NSD3: variants seen among roughly 807,000 people sequenced by gnomAD.
The protein encoded by NSD3 is nuclear receptor binding SET domain protein 3.
Under a neutral mutation model 160.8 loss-of-function variants are expected in NSD3, and 24 were observed. That is an observed-to-expected ratio of 0.15 (90% CI 0.11 to 0.21). NSD3 has a LOEUF of 0.21. NSD3 is among the 10% of genes least tolerant of loss of function. The pLI is 1.00. For synonymous variants in NSD3, 520 were observed against 600.0 expected, an observed-to-expected ratio of 0.87 and a Z score of 1.95; for missense variants, 1,157 against 1,735.9, an observed-to-expected ratio of 0.67 and a Z score of 5.93.
At chr8:38,378,650 A>C (rs1470796648) in intron 1 of NSD3, among the ~76,000 whole-genome samples, 1 of 151,888 alleles carries the variant, frequency 6.6e-6, no homozygotes, top group Non-Finnish European at 1.5e-5. Flanking sequence ...TCAAAACAAA[A>C]ACAAAAACAA....
chr8:38,303,916 C>CATTCA (rs1159097121), intron 14 of NSD3, among the ~76,000 whole-genome samples: 1 of 152,202 alleles, frequency 6.6e-6, no homozygotes, highest in Non-Finnish European at 1.5e-5. Context: ...TTCTGTATAA[C>CATTCA]ATTCAACTAA....
chr8:38,332,194 G>A (rs1283617823), intron 4 of NSD3, among the ~76,000 whole-genome samples: 1 of 152,216 alleles, frequency 6.6e-6, no homozygotes, highest in Non-Finnish European at 1.5e-5. Context: ...TCCTGCCTCA[G>A]CCTCCCAAAG....
Position 38,288,942 on chromosome 8 carries a change from C to A in NSD3, c.3232-186G>T, listed in dbSNP as rs904634466. On this transcript the variant is annotated intron_variant, in intron 18 of 23. Transcript: ENST00000317025. The surrounding 1 kb of genome is among the most constrained non-coding windows in gnomAD (Gnocchi z 4.5). Reference sequence around the variant, plus strand: ...CATTTAGTTGACAAAAATATCAAAGCCTCATGTGAATTTTCACTTATTTAT... The same window carrying A: ...CATTTAGTTGACAAAAATATCAAAGACTCATGTGAATTTTCACTTATTTAT... Among the ~76,000 whole-genome samples the A allele has an allele frequency of 6.6e-6, 1 of 152,076 alleles. No individual in the cohort carries two copies. Among genetic ancestry groups the A allele is most frequent in the South Asian group, 2.1e-4 (1 of 4,828 alleles).
At chr8:38,377,852 G>T (rs1811432828) in intron 1 of NSD3, among the ~76,000 whole-genome samples, 1 of 152,040 alleles carries the variant, frequency 6.6e-6, no homozygotes, top group South Asian at 2.1e-4. Flanking sequence ...AGAACCGCTT[G>T]AACCGGGAGG....
intron 1 of NSD3, among the ~76,000 whole-genome samples, chr8:38,357,975 T>G (rs1810865124): frequency 6.6e-6 from 1 of 152,112 alleles, no homozygotes; most frequent in Non-Finnish European, 1.5e-5. Context: ...AGACTTAACT[T>G]TCATGAAGGT....
rs1353505559 is a variant in NSD3 at position 38,272,158 on chromosome 8, A to G, written c.*3483T>C. 6.6e-6 allele frequency: 1 copy of G among 152,232 alleles called. No individual in the cohort carries two copies. 9.4% of individuals were successfully genotyped at this position (152,232 alleles called of 1,614,324 possible). On this transcript the variant is annotated 3_prime_UTR_variant, in exon 24 of 24. Transcript: ENST00000317025. The stretch of plus-strand genomic sequence containing the variant: ...ACGTTATTTACAGACATGTTTTCAA[A>G]TATTTTGTGTAAATGGCAGAAGGGA...
At chr8:38,356,609 G>C (rs1810830404) in intron 1 of NSD3, among the ~76,000 whole-genome samples, 1 of 152,050 alleles carries the variant, frequency 6.6e-6, no homozygotes, top group Admixed American at 6.6e-5. Flanking sequence ...TGTTTCAGAT[G>C]AACAACTTGA....
At chr8:38,344,560 A>G (rs539594190) in intron 2 of NSD3, among the ~76,000 whole-genome samples, 5 of 152,320 alleles carry the variant, frequency 3.3e-5, no homozygotes, top group African/African-American at 1.2e-4. Flanking sequence ...AGATTGAGCC[A>G]CCATGCCCGG....
At chr8:38,310,473 CTATGAA>C (rs948511866) in intron 12 of NSD3, among the ~76,000 whole-genome samples, 3 of 151,918 alleles carry the variant, frequency 2.0e-5, no homozygotes, top group African/African-American at 4.8e-5. Flanking sequence ...AATAATGTTG[CTATGAA>C]TATGAATATG....
chr8:38,292,230 A>ATG (rs1249652901), intron 16 of NSD3, among the ~76,000 whole-genome samples: 2 of 152,262 alleles, frequency 1.3e-5, no homozygotes, highest in Admixed American at 6.5e-5. Context: ...TGAAAGCAGT[A>ATG]TGCACTTCTT....
At chr8:38,305,146 C>A in intron 13 of NSD3, 102 bp downstream of exon 13, 1 of 1,185,762 alleles carries the variant, frequency 8.4e-7, no homozygotes, top group Non-Finnish European at 1.2e-6. Flanking sequence ...TAGAGATACA[C>A]AGAAGAAGAA....
chr8:38,297,357 C>T (rs781213086), intron 15 of NSD3, among the ~76,000 whole-genome samples: 8 of 151,966 alleles, frequency 5.3e-5, no homozygotes, highest in South Asian at 2.1e-4. Flanking sequence ...TACGTGACAG[C>T]GAATGTTAAC....
rs138906008 is a variant in NSD3, at chr8:38,321,665, G to A, written c.1709-493C>T. Reference sequence around the variant, plus strand: ...GGTTAACAGTGCTTGTTGCACTTATGTAAGTTTTGCTGTTGTTATTAATAA... The same window carrying A: ...GGTTAACAGTGCTTGTTGCACTTATATAAGTTTTGCTGTTGTTATTAATAA... On this transcript the variant is annotated intron_variant, in intron 7 of 23. Coordinates refer to ENST00000317025, the MANE Select transcript of NSD3 (RefSeq NM_023034.2). This position sits in a 1 kb window ranked among gnomAD's most constrained non-coding sequence, Gnocchi z 4.7. Among the ~76,000 whole-genome samples, 318 of 152,296 alleles carry A rather than the reference G, an allele frequency of 2.1e-3. 2 individuals are homozygous for A. The highest frequency in any genetic ancestry group is 7.2e-3 in the African/African-American group (300 of 41,546).
At chr8:38,308,751 G>C (rs2131013775) in intron 12 of NSD3, among the ~76,000 whole-genome samples, 1 of 152,292 alleles carries the variant, frequency 6.6e-6, no homozygotes, top group South Asian at 2.1e-4. Context: ...AGGAGGTCGA[G>C]GCTGCAGTGA....
At chr8:38,357,237 G>A (rs1810847942) in intron 1 of NSD3, among the ~76,000 whole-genome samples, 1 of 150,816 alleles carries the variant, frequency 6.6e-6, no homozygotes, top group African/African-American at 2.4e-5. Context: ...TTCAGACACA[G>A]CTACTCTACA....
rs1234846630 is a variant in NSD3 at position 38,290,691 on chromosome 8, C to T, written c.2916-14G>A. ...GCTGGCCACCATCTGAAAACAAAAG[C>T]AATTTTAGATCAAGAGGGCAAAAAC... On this transcript the variant is annotated splice_polypyrimidine_tract_variant and intron_variant, in intron 16 of 23. Transcript: ENST00000317025. The T allele has an allele frequency of 6.2e-7, 1 of 1,612,042 alleles. No homozygotes were observed. The highest frequency in any genetic ancestry group is 1.3e-5 in the African/African-American group (1 of 74,770).
At chr8:38,343,809 C>A (rs1810443904) in intron 2 of NSD3, among the ~76,000 whole-genome samples, 1 of 152,154 alleles carries the variant, frequency 6.6e-6, no homozygotes, top group Non-Finnish European at 1.5e-5. Context: ...GCTAGAGAAC[C>A]AAACCTGCTA....
chr8:38,279,249 C>G (rs1808680191), intron 21 of NSD3, among the ~76,000 whole-genome samples: 2 of 152,230 alleles, frequency 1.3e-5, no homozygotes, highest in Admixed American at 6.5e-5. Context: ...CAGCAGCTAA[C>G]TTGGAGAATT....
chr8:38,354,200 C>T (rs1012965028), intron 1 of NSD3, among the ~76,000 whole-genome samples: 4 of 152,116 alleles, frequency 2.6e-5, no homozygotes, highest in Non-Finnish European at 2.9e-5. Context: ...GTGCTTAGAC[C>T]GAATCTAAAG....
Sources: allele counts gnomAD v4.1 joint callset (sites outside exome capture counted in the v4.1 genomes callset), GRCh38; gene constraint gnomAD v4.1.1; non-coding constraint Gnocchi (gnomAD v3.1); transcripts MANE v1.5; gene names NCBI Gene and HGNC (gene_info 2026-07-23, HGNC 2026-07-21).